Variants in IKZF1 observed in about 807,000 individuals in gnomAD.
IKZF1 encodes DNA-binding protein Ikaros.
In IKZF1, 10 loss-of-function variants were observed where a neutral mutation model predicts 51.7. The observed-to-expected ratio is 0.19, with a 90% CI of 0.12 to 0.33. The LOEUF (loss-of-function observed/expected upper bound fraction) is 0.33, where lower values mean the gene tolerates loss of function less well. IKZF1 is among the 10% of genes least tolerant of loss of function. The pLI is 1.00. For missense variants in IKZF1, 484 were observed against 707.5 expected (o/e 0.68, Z 3.58); for synonymous variants, 280 against 282.3 (o/e 0.99, Z 0.08).
chr7:50,336,881 A>G (rs994475356), intron 3 of IKZF1, among the ~76,000 whole-genome samples: 35,829 of 152,158 alleles, frequency 0.24, 5,223 homozygotes, highest in African/African-American at 0.42. Context: ...GACAGCCAAC[A>G]AAACAGCAGG....
chr7:50,391,711 C>T lies in IKZF1; in HGVS notation c.716-18C>T. The T allele has an allele frequency of 6.2e-7, 1 of 1,613,352 alleles. No individual in the cohort carries two copies. Among genetic ancestry groups the T allele is most frequent in the African/African-American group, 1.3e-5 (1 of 74,996 alleles). ...AACATAAGCCTTTCTAAACTGGCCT[C>T]TCTGTCTTTGACTTTAGTCATTAAA... On this transcript the variant is annotated intron_variant, in intron 6 of 7. Coordinates refer to ENST00000331340, the MANE Select transcript of IKZF1 (RefSeq NM_006060.6).
chr7:50,372,839 A>T (rs1354435291), intron 3 of IKZF1, among the ~76,000 whole-genome samples: 1 of 152,194 alleles, frequency 6.6e-6, no homozygotes, highest in Non-Finnish European at 1.5e-5. Context: ...TGCCTTTTCG[A>T]CTAGGAGTTT....
chr7:50,368,142 C>G (rs1477369056), intron 3 of IKZF1: 1 of 703,276 alleles, frequency 1.4e-6, no homozygotes, highest in East Asian at 2.7e-5. Flanking sequence ...CGTGCATGTT[C>G]CTTCATCAAC....
In IKZF1 at chr7:50,339,215, T is replaced by TGTGTG. The variant is rs1554339869; in HGVS notation, c.160+11458_160+11459insGTGTG. Among the ~76,000 whole-genome samples the TGTGTG allele has an allele frequency of 3.8e-4, 48 of 126,478 alleles. No individual in the cohort carries two copies. The East Asian group carries it at 4.9e-3, about 13-fold the overall frequency. 83.0% of individuals were successfully genotyped at this position (126,478 alleles called of 152,430 possible). On this transcript the variant is annotated intron_variant, in intron 3 of 7. Transcript: ENST00000331340. The stretch of plus-strand genomic sequence containing the variant: ...AAAGGAGGAATTCTTTTGGGTAGGG[T>TGTGTG]TGTGTGTGTGTGTGTGTGTGTGTGT...
chr7:50,319,485 T>C (rs1792543152), intron 2 of IKZF1, among the ~76,000 whole-genome samples: 1 of 152,198 alleles, frequency 6.6e-6, no homozygotes, highest in Non-Finnish European at 1.5e-5. Flanking sequence ...CATGACTGTT[T>C]GTTCATTAAG....
intron 1 of IKZF1, among the ~76,000 whole-genome samples, chr7:50,306,415 G>C (rs187496825): frequency 7.2e-5 from 11 of 152,242 alleles, no homozygotes; most frequent in Non-Finnish European, 1.5e-4. Context: ...GGTGAGAGTT[G>C]AAGGAAGGAG....
In IKZF1 at chr7:50,400,869, A is replaced by G; in HGVS notation, c.*242A>G. 1.8e-6 allele frequency: 1 copy of G among 549,902 alleles called. No individual in the cohort carries two copies. The highest frequency in any genetic ancestry group is 3.6e-5 in the Admixed American group (1 of 28,134). 34.1% of individuals were successfully genotyped at this position (549,902 alleles called of 1,614,324 possible). The stretch of plus-strand genomic sequence containing the variant: ...GCATCCAGAACTGCTACCTTCCTAG[A>G]TGTTTCCCCAGACCGCTGGCTGAGA... On this transcript the variant is annotated 3_prime_UTR_variant, in exon 8 of 8. Coordinates refer to ENST00000331340, the MANE Select transcript of IKZF1 (RefSeq NM_006060.6). The surrounding 1 kb of genome is among the most constrained non-coding windows in gnomAD (Gnocchi z 5.4).
chr7:50,394,253 G>T (rs1816043705), intron 7 of IKZF1: 1 of 232,842 alleles, frequency 4.3e-6, no homozygotes, highest in Admixed American at 5.6e-5. Flanking sequence ...TAAAAATGAT[G>T]CCTCTTCCTG....
chr7:50,327,505 G>A, intron 2 of IKZF1, 133 bp from the exon 3 acceptor site: 1 of 998,502 alleles, frequency 1.0e-6, no homozygotes, highest in Non-Finnish European at 1.4e-6. Flanking sequence ...AAAGGTATAT[G>A]CATCCCAGCA....
At chr7:50,336,154 G>A (rs909976916) in intron 3 of IKZF1, among the ~76,000 whole-genome samples, 33 of 152,266 alleles carry the variant, frequency 2.2e-4, no homozygotes, top group African/African-American at 6.3e-4. Context: ...GGTGCAGCCC[G>A]TGGCCAGGCT....
intron 7 of IKZF1, chr7:50,394,484 A>G (rs1816118157): frequency 4.3e-6 from 1 of 233,194 alleles, no homozygotes; most frequent in Non-Finnish European, 8.5e-6. Context: ...CAGTTGAGAG[A>G]GCCCCATCCT....
Position 50,327,668 on chromosome 7 carries a change from C to A in IKZF1, c.71C>A (p.Pro24Gln). The A allele has an allele frequency of 6.2e-7, 1 of 1,613,490 alleles. No individual in the cohort carries two copies. The highest frequency in any genetic ancestry group is 8.5e-7 in the Non-Finnish European group (1 of 1,179,692). ...GAAAGCCCCCCTGTAAGCGATACTCCAGATGAGGGCGATGAGCCCATGCCG... is the reference window on the plus strand; with the variant it reads ...GAAAGCCCCCCTGTAAGCGATACTCAAGATGAGGGCGATGAGCCCATGCCG... ...GKESPPVSDT[P>Q]DEGDEPMPIP... Residue 24 changes from proline (P) to glutamine (Q), a missense_variant, in exon 3 of 8, where the codon CCA (proline) becomes CAA (glutamine). Around this residue, in one of 6 missense-constraint regions of IKZF1, gnomAD observed 118 missense variants for 138.4 expected, o/e 0.85. Transcript: ENST00000331340.
chr7:50,371,563 AG>A (rs1257949096), intron 3 of IKZF1, among the ~76,000 whole-genome samples: 2 of 152,252 alleles, frequency 1.3e-5, no homozygotes, highest in African/African-American at 4.8e-5. Flanking sequence ...GGTTCCCATC[AG>A]CCTCCAGGGC....
intron 5 of IKZF1, among the ~76,000 whole-genome samples, chr7:50,384,994 A>T (rs1204066662): frequency 6.6e-6 from 1 of 152,218 alleles, no homozygotes; most frequent in Non-Finnish European, 1.5e-5. Context: ...CATGTAGTGG[A>T]GTATTTTATG....
Position 50,402,514 on chromosome 7 carries a change from C to G in IKZF1, c.*1887C>G, listed in dbSNP as rs1348703226. On this transcript the variant is annotated 3_prime_UTR_variant, in exon 8 of 8. Coordinates refer to ENST00000331340, the MANE Select transcript of IKZF1 (RefSeq NM_006060.6). ...TCACTCCTGGGGGAGAACCACTGAC[C>G]CAAATGAATTCTAAACCAATCAAAT... The G allele has an allele frequency of 4.3e-6, 1 of 231,734 alleles. No individual in the cohort carries two copies. The highest frequency in any genetic ancestry group is 8.5e-6 in the Non-Finnish European group (1 of 117,136). The allele number at this position is 231,734 out of a possible 1,614,324, so 14.4% of individuals were successfully genotyped here.
At chr7:50,352,560 T>G (rs1485847351) in intron 3 of IKZF1, among the ~76,000 whole-genome samples, 1 of 152,234 alleles carries the variant, frequency 6.6e-6, no homozygotes, top group Non-Finnish European at 1.5e-5. Context: ...TGTGTACAAC[T>G]TCTGAGTAAG....
At chr7:50,338,918 A>G (rs1798402397) in intron 3 of IKZF1, among the ~76,000 whole-genome samples, 1 of 152,230 alleles carries the variant, frequency 6.6e-6, no homozygotes, top group African/African-American at 2.4e-5. Context: ...GATCAGTGAG[A>G]TAACAGAAAC....
chr7:50,322,890 C>G (rs1442875394), intron 2 of IKZF1, among the ~76,000 whole-genome samples: 1 of 151,998 alleles, frequency 6.6e-6, no homozygotes, highest in African/African-American at 2.4e-5. Context: ...TCCTCTGGCA[C>G]CTGTGACCCT....
rs1818630558 is a variant in IKZF1 at position 50,404,280 on chromosome 7, A to G, written c.*3653A>G. ...ACATGCACAGGATTGTAAATGAGAA[A>G]TGCAGTCATATTTCCAGTCTGCCTC... is the stretch of plus-strand genomic sequence containing the variant. On this transcript the variant is annotated 3_prime_UTR_variant, in exon 8 of 8. Coordinates refer to ENST00000331340, the MANE Select transcript of IKZF1 (RefSeq NM_006060.6). 1 of 222,066 alleles carries G rather than the reference A, an allele frequency of 4.5e-6. No individual in the cohort carries two copies. The highest frequency in any genetic ancestry group is 2.2e-5 in the African/African-American group (1 of 44,716). 13.8% of individuals were successfully genotyped at this position (222,066 alleles called of 1,614,324 possible).
Sources: allele counts gnomAD v4.1 joint callset (sites outside exome capture counted in the v4.1 genomes callset), GRCh38; gene constraint gnomAD v4.1.1; regional missense constraint gnomAD v4.1.1; non-coding constraint Gnocchi (gnomAD v3.1); transcripts MANE v1.5; gene names NCBI Gene and HGNC (gene_info 2026-07-23, HGNC 2026-07-21).